Variants in ZFHX3 observed in about 807,000 individuals in gnomAD.
The protein encoded by ZFHX3 is zinc finger homeobox 3.
ZFHX3 carries 42 observed loss-of-function variants against 279.1 expected under a neutral mutation model. The observed-to-expected ratio is 0.15, with a 90% confidence interval of 0.12 to 0.19. The LOEUF is 0.19. ZFHX3 is among the 10% of genes least tolerant of loss of function. The probability of loss-of-function intolerance (pLI) is 1.00; values close to 1 mark genes in which losing one functional copy is unlikely to be tolerated. For synonymous variants in ZFHX3, 2,293 were observed against 1,957.8 expected, an observed-to-expected ratio of 1.17 and a Z score of -4.52; for missense variants, 4,981 against 4,754.0, an observed-to-expected ratio of 1.05 and a Z score of -1.40.
intron 5 of ZFHX3, among the ~76,000 whole-genome samples, chr16:73,163,982 G>A (rs867768669): frequency 1.2e-4 from 18 of 152,126 alleles, no homozygotes; most frequent in Non-Finnish European, 2.2e-4. Flanking sequence ...TTTGGCAGAT[G>A]ACCGTCAGAG....
intron 2 of ZFHX3, chr16:73,499,977 C>G (rs758468107): frequency 1.3e-5 from 2 of 152,206 alleles, no homozygotes; most frequent in Non-Finnish European, 2.9e-5. Flanking sequence ...AAGTATAACA[C>G]ATACAATTAT....
At chr16:73,800,613 C>G (rs1960117723) in intron 1 of ZFHX3, among the ~76,000 whole-genome samples, 1 of 152,142 alleles carries the variant, frequency 6.6e-6, no homozygotes, top group Non-Finnish European at 1.5e-5. Flanking sequence ...AAATTCTACT[C>G]TTGCCAGTTA....
chr16:72,902,876 C>T (rs770621853), intron 3 of ZFHX3, among the ~76,000 whole-genome samples: 8 of 152,180 alleles, frequency 5.3e-5, no homozygotes, highest in Admixed American at 1.3e-4. Flanking sequence ...GTCGCGCAGG[C>T]CAGCCGGGGG....
chr16:72,970,160 G>A (rs1173105849), intron 1 of ZFHX3, among the ~76,000 whole-genome samples: 3 of 151,958 alleles, frequency 2.0e-5, no homozygotes, highest in Admixed American at 6.6e-5. Context: ...CGTGACAGCG[G>A]AGGCAGGTCT....
At chr16:72,841,292 T>G (rs1464269851) in intron 4 of ZFHX3, among the ~76,000 whole-genome samples, 1 of 152,228 alleles carries the variant, frequency 6.6e-6, no homozygotes, top group Non-Finnish European at 1.5e-5. Context: ...GCAACATGTT[T>G]CAGTTGACAT....
rs16972561 is a variant in ZFHX3 at position 73,782,494 on chromosome 16, A to C, written c.-1607-102254T>G. ...AGGACTTGAAGGACGCTTCAAGCCTAGCTCTTTTCTGGTGGCAGTTATTCA... is the reference window on the plus strand; with the variant it reads ...AGGACTTGAAGGACGCTTCAAGCCTCGCTCTTTTCTGGTGGCAGTTATTCA... On this transcript the variant is annotated intron_variant, in intron 1 of 17. Coordinates refer to the ZFHX3 transcript ENST00000641206. Among the ~76,000 whole-genome samples, 1,038 of 152,312 alleles carry C rather than the reference A, an allele frequency of 6.8e-3. 5 individuals are homozygous for C. Among genetic ancestry groups the C allele is most frequent in the African/African-American group, 0.024 (994 of 41,572 alleles).
intron 4 of ZFHX3, among the ~76,000 whole-genome samples, chr16:73,292,637 C>T (rs1470928268): frequency 1.3e-5 from 2 of 152,038 alleles, no homozygotes; most frequent in East Asian, 3.8e-4. Context: ...GAGAAATTGC[C>T]CAGCTCTTCC....
chr16:73,178,953 T>A (rs1026882296), intron 5 of ZFHX3, among the ~76,000 whole-genome samples: 4 of 152,198 alleles, frequency 2.6e-5, no homozygotes, highest in African/African-American at 9.7e-5. Context: ...CTACAGGGGA[T>A]ACAATGATGA....
intron 7 of ZFHX3, among the ~76,000 whole-genome samples, chr16:73,105,394 CATATAT>C (rs35716634): frequency 8.1e-6 from 1 of 124,114 alleles, no homozygotes; most frequent in African/African-American, 3.5e-5. Context: ...CACACACACA[CATATAT>C]ATATATATAC....
At chr16:73,240,311 T>C (rs6499623) in intron 5 of ZFHX3, among the ~76,000 whole-genome samples, 26,256 of 151,680 alleles carry the variant, frequency 0.17, 3,763 homozygotes, top group East Asian at 0.43. Flanking sequence ...CTCCACCTCC[T>C]GGGTTCAAGT....
chr16:73,422,049 G>A (rs534865058), intron 3 of ZFHX3, among the ~76,000 whole-genome samples: 4 of 152,208 alleles, frequency 2.6e-5, no homozygotes, highest in South Asian at 2.1e-4. Flanking sequence ...CCACGCTTCC[G>A]GGGCAAACAG....
intron 1 of ZFHX3, among the ~76,000 whole-genome samples, chr16:72,975,543 C>T (rs1962313157): frequency 6.6e-6 from 1 of 152,172 alleles, no homozygotes; most frequent in Non-Finnish European, 1.5e-5. Context: ...GGCCCCTTCT[C>T]CATCCCACAT....
At chr16:73,079,199 C>T (rs1965918623) in intron 8 of ZFHX3, among the ~76,000 whole-genome samples, 1 of 152,026 alleles carries the variant, frequency 6.6e-6, no homozygotes, top group South Asian at 2.1e-4. Flanking sequence ...GGCACACCTG[C>T]CTCCATCACT....
At chr16:73,833,079 A>C (rs987895927) in intron 1 of ZFHX3, among the ~76,000 whole-genome samples, 1 of 152,228 alleles carries the variant, frequency 6.6e-6, no homozygotes, top group Non-Finnish European at 1.5e-5. Flanking sequence ...GGCTTCTAGC[A>C]ATTATTTCAA....
intron 1 of ZFHX3, among the ~76,000 whole-genome samples, chr16:73,005,370 C>T (rs927795404): frequency 3.3e-5 from 5 of 152,100 alleles, no homozygotes; most frequent in African/African-American, 1.2e-4. Context: ...TGGCGCACAC[C>T]TGTAGCCCCA....
intron 2 of ZFHX3, among the ~76,000 whole-genome samples, chr16:73,622,539 G>C (rs983603428): frequency 6.6e-6 from 1 of 152,100 alleles, no homozygotes; most frequent in East Asian, 1.9e-4. Flanking sequence ...TCCAGCTTGG[G>C]CGACAGAGTG....
intron 2 of ZFHX3, chr16:73,504,502 A>AAAG (rs1397666568): frequency 6.6e-6 from 1 of 152,286 alleles, no homozygotes. Flanking sequence ...TGGTAGCTTA[A>AAAG]AAGAAGAAGA....
At chr16:73,052,418 A>T (rs1965468449), upstream of ZFHX3, among the ~76,000 whole-genome samples, 1 of 152,078 alleles carries the variant, frequency 6.6e-6, no homozygotes. Context: ...ACAAGGCAGG[A>T]AGATAGACAA....
intron 8 of ZFHX3, among the ~76,000 whole-genome samples, chr16:73,065,654 A>G (rs1031760487): frequency 1.3e-5 from 2 of 151,180 alleles, no homozygotes; most frequent in Non-Finnish European, 2.9e-5. Context: ...AAAATGAGAG[A>G]TTCCCAGTCC....
Sources: gnomAD v4.1 joint callset for allele counts (sites outside exome capture counted in the v4.1 genomes callset) on GRCh38, gnomAD v4.1.1 for gene constraint, MANE v1.5 for transcripts, NCBI Gene and HGNC (gene_info 2026-07-23, HGNC 2026-07-21) for gene names.